PCNT: variants seen among roughly 807,000 people sequenced by gnomAD.
PCNT encodes the protein pericentrin, also known as kendrin.
Under a neutral mutation model 380.4 loss-of-function variants are expected in PCNT, and 319 were observed. The ratio of observed to expected loss-of-function variants is 0.84; its 90% CI spans 0.77 to 0.92. The LOEUF (loss-of-function observed/expected upper bound fraction) is 0.92. PCNT is among the 40% of genes least tolerant of loss of function. The pLI is 0.00. For missense variants in PCNT, 4,400 were observed against 4,255.3 expected (o/e 1.03, Z -0.95); for synonymous variants, 1,845 against 1,735.2 (o/e 1.06, Z -1.57).
chr21:46,432,289 G>A, intron 38 of PCNT, 74 bp downstream of exon 38: 18 of 1,424,142 alleles, frequency 1.3e-5, no homozygotes, highest in Non-Finnish European at 1.7e-5. Flanking sequence ...GTTCACGTGG[G>A]GGACGCGAGA....
intron 33 of PCNT, 72 bp downstream of exon 33, chr21:46,426,043 G>C: frequency 7.2e-7 from 1 of 1,390,320 alleles, no homozygotes; most frequent in Non-Finnish European, 1.0e-6. Context: ...GCGTCCTTAG[G>C]GCCACGTGGA....
At position 46,422,083 on chromosome 21, in the gene PCNT, G is replaced by T; in HGVS notation, c.7138G>T (p.Glu2380Ter). 6.2e-7 allele frequency: 1 copy of T among 1,613,948 alleles called. No homozygotes were observed. The highest frequency in any genetic ancestry group is 8.5e-7 in the Non-Finnish European group (1 of 1,180,018). The part of the protein sequence containing the change: ...SISGRFQPLP[E>*]AMKEKEVRPK... The stretch of plus-strand genomic sequence containing the variant: ...CTCTGGAAGGTTTCAGCCGCTGCCG[G>T]AAGCCATGAAGGAGAAGGAAGTGCG... Residue 2380 changes from glutamate to a stop codon, truncating the protein, a stop_gained, in exon 32 of 47, where the codon GAA (glutamate) becomes TAA (stop). Coordinates refer to ENST00000359568, the MANE Select transcript of PCNT (RefSeq NM_006031.6). LOFTEE classifies it high-confidence loss of function.
Position 46,388,919 on chromosome 21 carries a change from C to T in PCNT, c.3607+35C>T. On this transcript the variant is annotated intron_variant, in intron 18 of 46. Transcript: ENST00000359568. The surrounding 1 kb of genome is among the most constrained non-coding windows in gnomAD (Gnocchi z 4.2). ...CCGGGACCAGCTGCCCAGCCCTGTG[C>T]TTGCAGCCCCTCTGTGGTCCTGGAG... 1.3e-6 allele frequency: 2 copies of T among 1,562,564 alleles called. No individual in the cohort carries two copies. Among genetic ancestry groups the T allele is most frequent in the South Asian group, 1.1e-5 (1 of 87,248 alleles).
chr21:46,440,823 A>G (rs373056527), intron 42 of PCNT, 32 bp from the exon 43 acceptor site: 3 of 1,291,040 alleles, frequency 2.3e-6, no homozygotes, highest in South Asian at 1.2e-5. Context: ...TTTGTTTCCT[A>G]TGATAAAATT....
At chr21:46,378,285 C>G (rs984275397) in intron 15 of PCNT, among the ~76,000 whole-genome samples, 1 of 152,166 alleles carries the variant, frequency 6.6e-6, no homozygotes, top group African/African-American at 2.4e-5. Flanking sequence ...AGGAATCACC[C>G]TGTGGTGTCT....
chr21:46,444,886 CT>C, intron 46 of PCNT, 65 bp downstream of exon 46: 1 of 1,484,000 alleles, frequency 6.7e-7, no homozygotes, highest in Non-Finnish European at 9.4e-7. Flanking sequence ...AACGTAGGGT[CT>C]GTTGAAAGAT....
intron 45 of PCNT, 47 bp from the exon 46 acceptor site, chr21:46,444,647 C>CTT (rs3058084): frequency 2.0e-4 from 291 of 1,471,948 alleles, no homozygotes; most frequent in Middle Eastern, 3.8e-4. Context: ...AAACTCAACT[C>CTT]TTTTTTTTTT....
intron 9 of PCNT, among the ~76,000 whole-genome samples, chr21:46,352,610 G>T (rs1421314608): frequency 1.3e-5 from 2 of 152,326 alleles, no homozygotes; most frequent in East Asian, 3.9e-4. Context: ...GGTCCGTGTT[G>T]CTTCTCTGCT....
chr21:46,433,307 C>T (rs552220069), intron 38 of PCNT, among the ~76,000 whole-genome samples: 5 of 152,204 alleles, frequency 3.3e-5, no homozygotes, highest in Non-Finnish European at 5.9e-5. Flanking sequence ...TGCTTGAACC[C>T]GCAAGGCGGA....
At chr21:46,426,743 C>T (rs1434229513) in intron 33 of PCNT, among the ~76,000 whole-genome samples, 2 of 152,226 alleles carry the variant, frequency 1.3e-5, no homozygotes, top group East Asian at 1.9e-4. Context: ...CCCCATCTCC[C>T]TGCCTGTCTG....
At chr21:46,334,064 G>C (rs1406206849) in intron 2 of PCNT, among the ~76,000 whole-genome samples, 1 of 151,992 alleles carries the variant, frequency 6.6e-6, no homozygotes. Context: ...AATTAGCTGG[G>C]CGTGGTGGCG....
At chr21:46,380,747 C>T (rs2085503453) in intron 15 of PCNT, among the ~76,000 whole-genome samples, 1 of 152,162 alleles carries the variant, frequency 6.6e-6, no homozygotes, top group Non-Finnish European at 1.5e-5. Flanking sequence ...TTCCACAGCT[C>T]TGAAAACACT....
At chr21:46,418,447 C>T (rs1002817907) in intron 31 of PCNT, 141 bp downstream of exon 31, 9 of 675,764 alleles carry the variant, frequency 1.3e-5, no homozygotes, top group East Asian at 8.1e-5. Context: ...CTTTGTCGGG[C>T]GTGCACCTGG....
Position 46,342,251 on chromosome 21 carries a change from C to T in PCNT, c.640-3877C>T, listed in dbSNP as rs768708228. 3.3e-5 allele frequency among the ~76,000 whole-genome samples: 5 copies of T among 152,190 alleles called. No individual in the cohort carries two copies. The East Asian group carries it at 5.8e-4, about 18-fold the overall frequency. On this transcript the variant is annotated intron_variant, in intron 3 of 46. Coordinates refer to ENST00000359568, the MANE Select transcript of PCNT (RefSeq NM_006031.6). ...CCTCCTAAGTAGCTGGGATTACAGG[C>T]GTGCACAACTGCGGCCAGCTAATTT...
intron 24 of PCNT, 33 bp from the exon 25 acceptor site, chr21:46,399,557 A>T (rs756006304): frequency 4.0e-6 from 6 of 1,500,804 alleles, no homozygotes; most frequent in South Asian, 1.1e-5. Flanking sequence ...AAAACATTCT[A>T]TTGTATTCCT....
intron 40 of PCNT, among the ~76,000 whole-genome samples, chr21:46,437,430 C>T (rs1198682173): frequency 6.6e-6 from 1 of 152,232 alleles, no homozygotes. Context: ...GACCTGGACA[C>T]ATTGCAGGTC....
chr21:46,413,422 G>C (rs2086883197), intron 29 of PCNT, among the ~76,000 whole-genome samples: 1 of 152,214 alleles, frequency 6.6e-6, no homozygotes, highest in Non-Finnish European at 1.5e-5. Context: ...GTCTTGCCCT[G>C]GGCAGAGGCG....
chr21:46,443,983 A>C (rs2053682607), intron 45 of PCNT, 35 bp downstream of exon 45: 1 of 1,603,346 alleles, frequency 6.2e-7, no homozygotes. Context: ...GTCTCCTGCC[A>C]GGGCTCTCCC....
intron 15 of PCNT, among the ~76,000 whole-genome samples, chr21:46,374,087 TGGGCTGTG>T (rs1482959876): frequency 6.6e-6 from 1 of 152,096 alleles, no homozygotes; most frequent in Non-Finnish European, 1.5e-5. Flanking sequence ...AGAAAACAAT[TGGGCTGTG>T]GGGAGGTGGG....
Sources: gnomAD v4.1 joint callset for allele counts (sites outside exome capture counted in the v4.1 genomes callset) on GRCh38, gnomAD v4.1.1 for gene constraint, Gnocchi (gnomAD v3.1) non-coding constraint, MANE v1.5 for transcripts, NCBI Gene and HGNC (gene_info 2026-07-23, HGNC 2026-07-21) for gene names.